Variants in CAMTA1 observed in about 807,000 individuals in gnomAD.
The protein encoded by CAMTA1 is calmodulin binding transcription activator 1, also known as calmodulin-binding transcription activator 1.
CAMTA1 carries 27 observed loss-of-function variants against 170.9 expected under a neutral mutation model. That is an observed-to-expected ratio of 0.16 (90% CI 0.12 to 0.22). The LOEUF (loss-of-function observed/expected upper bound fraction) is 0.22. Among genes scored for constraint, CAMTA1 ranks in the 10% least tolerant of loss-of-function variants. The probability of loss-of-function intolerance (pLI) is 1.00; values close to 1 mark genes in which losing one functional copy is unlikely to be tolerated. For synonymous variants in CAMTA1, 833 were observed against 891.5 expected (o/e 0.93, Z 1.17); for missense variants, 1,619 against 2,217.2 (o/e 0.73, Z 5.42).
Position 7,173,147 on chromosome 1 carries a change from C to A in CAMTA1, c.303-76344C>A, listed in dbSNP as rs574813241. Among the ~76,000 whole-genome samples, 29 of 152,298 alleles carry A rather than the reference C, an allele frequency of 1.9e-4. No homozygotes were observed. Among genetic ancestry groups the A allele is most frequent in the Middle Eastern group, 6.8e-3 (2 of 294 alleles). On this transcript the variant is annotated intron_variant, in intron 4 of 22. Coordinates refer to ENST00000303635, the MANE Select transcript of CAMTA1 (RefSeq NM_015215.4). The surrounding 1 kb of genome is among the most constrained non-coding windows in gnomAD (Gnocchi z 5.4). ...CCTTCCTCAGGAGAGACAGAAAGAGCCTTTGGCTGCCCTCTGTCCTCTTGA... is the reference window on the plus strand; with the variant it reads ...CCTTCCTCAGGAGAGACAGAAAGAGACTTTGGCTGCCCTCTGTCCTCTTGA...
chr1:7,664,524 C>T lies in CAMTA1; in HGVS notation c.1977C>T (p.Ser659=), dbSNP rs761321170. 10 of 1,613,174 alleles carry T rather than the reference C, an allele frequency of 6.2e-6. No individual in the cohort carries two copies. Among genetic ancestry groups the T allele is most frequent in the Admixed American group, 1.7e-5 (1 of 60,014 alleles). The part of the protein sequence containing the change: ...TEASSQTSSC[S]GHVETRIEST... ...CCTCGTCCCAAACCAGCTCCTGCAG[C>T]GGTCACGTGGAGACGCGGATCGAGT... The change falls in exon 9 of 23, where the codon AGC becomes AGT. Residue 659 remains serine (S), a synonymous_variant. Transcript: ENST00000303635.
At chr1:6,926,111 A>T (rs1043238870) in intron 3 of CAMTA1, among the ~76,000 whole-genome samples, 2 of 152,354 alleles carry the variant, frequency 1.3e-5, no homozygotes, top group South Asian at 4.1e-4. Flanking sequence ...GGCTGTTAGG[A>T]GAATGAAATA....
intron 11 of CAMTA1, among the ~76,000 whole-genome samples, chr1:7,716,610 G>T (rs1004483986): frequency 1.4e-5 from 2 of 142,082 alleles, no homozygotes; most frequent in African/African-American, 5.2e-5. Context: ...AACGTCTTGG[G>T]CTTTAACTCT....
chr1:7,418,468 G>C (rs2149300323), intron 5 of CAMTA1, among the ~76,000 whole-genome samples: 1 of 152,292 alleles, frequency 6.6e-6, no homozygotes, highest in East Asian at 1.9e-4. Context: ...CAAAGTGCTT[G>C]GATTACAGGC....
At chr1:6,864,615 C>T (rs1360216912) in intron 3 of CAMTA1, among the ~76,000 whole-genome samples, 1 of 152,190 alleles carries the variant, frequency 6.6e-6, no homozygotes, top group African/African-American at 2.4e-5. Context: ...GTCCCTTCAA[C>T]ACTCTCAGCT....
At position 7,092,328 on chromosome 1, in the gene CAMTA1, C is replaced by T. The variant is rs1380393202; in HGVS notation, c.302+957C>T. On this transcript the variant is annotated intron_variant, in intron 4 of 22. Coordinates refer to ENST00000303635, the MANE Select transcript of CAMTA1 (RefSeq NM_015215.4). This position sits in a 1 kb window ranked among gnomAD's most constrained non-coding sequence, Gnocchi z 5.0. ...CTGTGCCCGTGGCCCATCAGCTTGA[C>T]CTGTTCATCCTTCCTGAGTCATGGG... Among the ~76,000 whole-genome samples the T allele has an allele frequency of 6.6e-6, 1 of 152,200 alleles. No homozygotes were observed. The highest frequency in any genetic ancestry group is 2.4e-5 in the African/African-American group (1 of 41,444).
chr1:7,531,431 A>G (rs1163320229), intron 6 of CAMTA1, among the ~76,000 whole-genome samples: 1 of 152,164 alleles, frequency 6.6e-6, no homozygotes, highest in Non-Finnish European at 1.5e-5. Context: ...TTTGCCAGGC[A>G]AGGTGGGCCT....
Position 7,665,098 on chromosome 1 carries a change from G to A in CAMTA1, c.2551G>A (p.Val851Met). 6.5e-7 allele frequency: 1 copy of A among 1,541,190 alleles called. No individual in the cohort carries two copies. The highest frequency in any genetic ancestry group is 8.7e-7 in the Non-Finnish European group (1 of 1,145,200). Residue 851 changes from valine (V) to methionine (M), a missense_variant, in exon 9 of 23, where the codon GTG becomes ATG. Around this residue, in one of 8 missense-constraint regions of CAMTA1, gnomAD observed 731 missense variants for 907.6 expected, o/e 0.81. Transcript: ENST00000303635. The surrounding 1 kb of genome is among the most constrained non-coding windows in gnomAD (Gnocchi z 4.3). The stretch of plus-strand genomic sequence containing the variant: ...CATGGCCTACATGCACGTCGCCGAG[G>A]TGGTCTCGGCCGCCTCGGCCCAGGG... ...STMAYMHVAE[V>M]VSAASAQGTL...
intron 5 of CAMTA1, among the ~76,000 whole-genome samples, chr1:7,301,263 C>A (rs2213776): frequency 1 from 152,370 of 152,370 alleles, 76,185 homozygotes; most frequent in Non-Finnish European, 1. Context: ...TAATTGCCTT[C>A]ACCTGCGGTA....
intron 7 of CAMTA1, among the ~76,000 whole-genome samples, chr1:7,645,658 G>C (rs777310783): frequency 1.3e-5 from 2 of 152,232 alleles, no homozygotes; most frequent in African/African-American, 4.8e-5. Flanking sequence ...CAGCCGCCTC[G>C]GGGTTTAGCT....
intron 5 of CAMTA1, among the ~76,000 whole-genome samples, chr1:7,376,405 G>A (rs2086847436): frequency 1.3e-5 from 2 of 152,194 alleles, no homozygotes; most frequent in African/African-American, 4.8e-5. Flanking sequence ...CGAGGAGACT[G>A]TACCTGCCAC....
intron 11 of CAMTA1, among the ~76,000 whole-genome samples, chr1:7,715,044 A>G (rs1215187201): frequency 6.6e-6 from 1 of 152,084 alleles, no homozygotes; most frequent in African/African-American, 2.4e-5. Context: ...GCTTTCTTTT[A>G]TTCTTGTCTG....
chr1:7,097,630 G>T (rs1642231037), intron 4 of CAMTA1, among the ~76,000 whole-genome samples: 1 of 152,236 alleles, frequency 6.6e-6, no homozygotes, highest in South Asian at 2.1e-4. Context: ...CTGCTCGAGT[G>T]ACTGGAATAG....
At chr1:7,469,501 A>G (rs2093288065) in intron 6 of CAMTA1, among the ~76,000 whole-genome samples, 1 of 152,168 alleles carries the variant, frequency 6.6e-6, no homozygotes, top group Non-Finnish European at 1.5e-5. Context: ...GCAGCCCTGT[A>G]CACTCCTTCC....
At chr1:7,285,869 C>T (rs1294677387) in intron 5 of CAMTA1, among the ~76,000 whole-genome samples, 3 of 152,196 alleles carry the variant, frequency 2.0e-5, no homozygotes, top group Non-Finnish European at 4.4e-5. Flanking sequence ...ACCTCAAAAA[C>T]TAGAACCAAC....
chr1:7,385,400 C>T (rs1261756316), intron 5 of CAMTA1, among the ~76,000 whole-genome samples: 3 of 152,180 alleles, frequency 2.0e-5, no homozygotes, highest in Non-Finnish European at 2.9e-5. Context: ...TTGCTTTTGG[C>T]GTTTTACGTT....
At chr1:7,525,553 C>T (rs1455593938) in intron 6 of CAMTA1, among the ~76,000 whole-genome samples, 1 of 151,902 alleles carries the variant, frequency 6.6e-6, no homozygotes, top group Non-Finnish European at 1.5e-5. Flanking sequence ...GGAGAGTTGC[C>T]GAGTTGATGG....
In CAMTA1 at chr1:7,664,774, G is replaced by A. The variant is rs965685976; in HGVS notation, c.2227G>A (p.Gly743Arg). The A allele has an allele frequency of 8.7e-6, 14 of 1,611,492 alleles. No individual in the cohort carries two copies. Among genetic ancestry groups the A allele is most frequent in the Non-Finnish European group, 1.2e-5 (14 of 1,178,708 alleles). The change falls in exon 9 of 23, where the codon GGA becomes AGA. Residue 743 changes from glycine to arginine, a missense_variant. Physicochemically the swap from Gly to Arg is moderately radical, Grantham distance 125 (BLOSUM62 -2). Coordinates refer to ENST00000303635, the MANE Select transcript of CAMTA1 (RefSeq NM_015215.4). ...CATCCTCCCGGGCAACGTGGTGCAG[G>A]GACTCTACCCCGTGGCCCAGCCCAG... ...VPILPGNVVQ[G>R]LYPVAQPSLG...
chr1:7,564,764 AG>A (rs1351247570), intron 6 of CAMTA1, among the ~76,000 whole-genome samples: 1 of 151,980 alleles, frequency 6.6e-6, no homozygotes, highest in Non-Finnish European at 1.5e-5. Flanking sequence ...GGGTCCTGGG[AG>A]GCACGTGAAG....
Sources: gnomAD v4.1 joint callset for allele counts (sites outside exome capture counted in the v4.1 genomes callset) on GRCh38, gnomAD v4.1.1 for gene constraint, gnomAD v4.1.1 regional missense constraint, Gnocchi (gnomAD v3.1) non-coding constraint, MANE v1.5 for transcripts, NCBI Gene and HGNC (gene_info 2026-07-23, HGNC 2026-07-21) for gene names.